Variants in MSH3 observed in about 807,000 individuals in gnomAD.
MSH3 encodes mutS homolog 3, also known as DNA mismatch repair protein Msh3.
A neutral mutation model predicts 123.3 loss-of-function variants in MSH3; 106 were observed. The observed-to-expected ratio is 0.86, with a 90% CI of 0.73 to 1.01. MSH3 has a LOEUF of 1.01. Among genes scored for constraint, MSH3 ranks in the 50% least tolerant of loss-of-function variants. The probability of loss-of-function intolerance (pLI) is 0.00; values close to 1 mark genes in which losing one functional copy is unlikely to be tolerated. For missense variants in MSH3, 1,459 were observed against 1,347.6 expected (o/e 1.08, Z -1.29); for synonymous variants, 515 against 481.4 (o/e 1.07, Z -0.91).
chr5:80,736,424 G>A (rs571652992), intron 10 of MSH3, among the ~76,000 whole-genome samples: 2 of 152,138 alleles, frequency 1.3e-5, no homozygotes, highest in Non-Finnish European at 2.9e-5. Flanking sequence ...ACATAATAGC[G>A]AATAAATGTA....
intron 20 of MSH3, among the ~76,000 whole-genome samples, chr5:80,825,296 G>A (rs1745274639): frequency 6.6e-6 from 1 of 152,086 alleles, no homozygotes; most frequent in African/African-American, 2.4e-5. Flanking sequence ...ACTCACTGAT[G>A]TTTTTTGAAA....
At chr5:80,796,600 A>C (rs1367086992) in intron 19 of MSH3, among the ~76,000 whole-genome samples, 1 of 152,138 alleles carries the variant, frequency 6.6e-6, no homozygotes, top group African/African-American at 2.4e-5. Context: ...TCAAAGTTAA[A>C]TGACATTGTT....
intron 8 of MSH3, among the ~76,000 whole-genome samples, chr5:80,693,400 C>G (rs1170477513): frequency 3.5e-5 from 2 of 56,574 alleles, no homozygotes; most frequent in African/African-American, 1.7e-4. Context: ...GATATACATG[C>G]ACATGTATAT....
intron 21 of MSH3, among the ~76,000 whole-genome samples, chr5:80,860,443 G>GTTTTTTTTT (rs199512437): frequency 7.3e-6 from 1 of 137,248 alleles, no homozygotes; most frequent in African/African-American, 2.7e-5. Flanking sequence ...GAGGTTTGTT[G>GTTTTTTTTT]TTTTTTTTTT....
At chr5:80,839,048 C>T (rs538141396) in intron 20 of MSH3, among the ~76,000 whole-genome samples, 10 of 152,222 alleles carry the variant, frequency 6.6e-5, no homozygotes, top group African/African-American at 1.2e-4. Context: ...TTGTTTAAGA[C>T]GTGATCTGAT....
intron 8 of MSH3, among the ~76,000 whole-genome samples, chr5:80,699,812 G>A (rs1750569020): frequency 6.6e-6 from 1 of 151,996 alleles, no homozygotes; most frequent in Non-Finnish European, 1.5e-5. Context: ...TTCCTTTACA[G>A]CAAATATTAA....
At chr5:80,706,163 T>G (rs1281299950) in intron 8 of MSH3, among the ~76,000 whole-genome samples, 1 of 152,208 alleles carries the variant, frequency 6.6e-6, no homozygotes, top group African/African-American at 2.4e-5. Flanking sequence ...TGTTTTGTTT[T>G]GGAAACAGCT....
At chr5:80,752,074 C>G (rs1743849679) in intron 12 of MSH3, among the ~76,000 whole-genome samples, 1 of 151,914 alleles carries the variant, frequency 6.6e-6, no homozygotes, top group Non-Finnish European at 1.5e-5. Context: ...TGGACAGTAT[C>G]TGTCCAGGTG....
At chr5:80,779,503 A>G (rs1406333214) in intron 17 of MSH3, among the ~76,000 whole-genome samples, 1 of 151,780 alleles carries the variant, frequency 6.6e-6, no homozygotes, top group East Asian at 1.9e-4. Context: ...ATTCTACTAT[A>G]TAATCTTAAC....
In MSH3 at chr5:80,858,214, T is replaced by C. The variant is rs146024466; in HGVS notation, c.3000+3898T>C. ...CACATGCCACAACACCCAGCTAATT[T>C]CACTTTTATTTTTTATAGAGATTGG... is the stretch of plus-strand genomic sequence containing the variant. On this transcript the variant is annotated intron_variant, in intron 21 of 23. Coordinates refer to ENST00000265081, the MANE Select transcript of MSH3 (RefSeq NM_002439.5). Among the ~76,000 whole-genome samples the C allele has an allele frequency of 4.3e-3, 650 of 152,142 alleles. 5 individuals are homozygous for C. The highest frequency in any genetic ancestry group is 0.015 in the African/African-American group (603 of 41,534).
chr5:80,720,238 T>C (rs758662761), intron 8 of MSH3, among the ~76,000 whole-genome samples: 1 of 152,230 alleles, frequency 6.6e-6, no homozygotes, highest in African/African-American at 2.4e-5. Context: ...GATTACTTAC[T>C]GTGATGGTCA....
rs983789729 is a variant in MSH3 at position 80,737,858 on chromosome 5, A to G, written c.1569-3606A>G. ...TGATAATTATTCTAGATGGGAATCAATCTGATTTAAGATTGCCCAGTGGTT... is the reference window on the plus strand; with the variant it reads ...TGATAATTATTCTAGATGGGAATCAGTCTGATTTAAGATTGCCCAGTGGTT... On this transcript the variant is annotated intron_variant, in intron 10 of 23. Coordinates refer to ENST00000265081, the MANE Select transcript of MSH3 (RefSeq NM_002439.5). 5.9e-5 allele frequency among the ~76,000 whole-genome samples: 9 copies of G among 152,320 alleles called. No individual in the cohort carries two copies. The South Asian group carries it at 6.2e-4, about 11-fold the overall frequency.
At chr5:80,813,790 C>T (rs1298028494) in intron 20 of MSH3, 49 bp downstream of exon 20, 1 of 1,588,542 alleles carries the variant, frequency 6.3e-7, no homozygotes, top group Non-Finnish European at 8.6e-7. Context: ...TAAGTCAAGC[C>T]CACATTATCG....
At position 80,658,532 on chromosome 5, in the gene MSH3, T is replaced by C. The variant is rs531702628; in HGVS notation, c.358+2001T>C. On this transcript the variant is annotated intron_variant, in intron 2 of 23. Transcript: ENST00000265081. ...TAGGACCTTTGCCACTTGTTAAAAA[T>C]GGCACTAAGGAAGAAGGGGGAGGAT... 8.5e-5 allele frequency among the ~76,000 whole-genome samples: 13 copies of C among 152,310 alleles called. No homozygotes were observed. The East Asian group carries it at 1.7e-3, about 20-fold the overall frequency.
rs2001675 is a variant in MSH3 at position 80,654,905 on chromosome 5, G to T, written c.178G>T (p.Ala60Ser). The T allele has an allele frequency of 1.3e-6, 2 of 1,494,090 alleles. No homozygotes were observed. Among genetic ancestry groups the T allele is most frequent in the Non-Finnish European group, 8.9e-7 (1 of 1,126,380 alleles). 92.6% of individuals were successfully genotyped at this position (1,494,090 alleles called of 1,614,324 possible). ...GAAAAAAAAA[A>S]AAPPAPPAPA... is the part of the protein sequence containing the mutation. ...TGCAGCGGCTGCAGCGGCCGCAGCGGCCGCAGCGCCCCCAGCGCCCCCAGC... is the reference window on the plus strand; with the variant it reads ...TGCAGCGGCTGCAGCGGCCGCAGCGTCCGCAGCGCCCCCAGCGCCCCCAGC... Residue 60 changes from alanine (A) to serine (S), a missense_variant, in exon 1 of 24, where the codon GCC becomes TCC. Physicochemically the swap from Ala to Ser is moderately conservative, Grantham distance 99. Transcript: ENST00000265081.
chr5:80,810,300 T>C (rs1322220954), intron 19 of MSH3, among the ~76,000 whole-genome samples: 3 of 151,802 alleles, frequency 2.0e-5, no homozygotes, highest in Non-Finnish European at 4.4e-5. Flanking sequence ...TTTTAACAAT[T>C]GTACAAGTAG....
chr5:80,804,068 A>T (rs754504659), intron 19 of MSH3, among the ~76,000 whole-genome samples: 35 of 152,226 alleles, frequency 2.3e-4, no homozygotes, highest in Middle Eastern at 3.4e-3. Flanking sequence ...AAATTTTAGG[A>T]TTATTTTTTC....
chr5:80,780,945 C>T (rs1744399840), intron 17 of MSH3, among the ~76,000 whole-genome samples: 1 of 151,950 alleles, frequency 6.6e-6, no homozygotes. Context: ...AGTAATCAAC[C>T]CGACAAATGA....
At chr5:80,736,700 G>T (rs1240137688) in intron 10 of MSH3, among the ~76,000 whole-genome samples, 1 of 152,158 alleles carries the variant, frequency 6.6e-6, no homozygotes, top group African/African-American at 2.4e-5. Flanking sequence ...GGGAGATGGT[G>T]CCTATGGGAC....
Sources: gnomAD v4.1 joint callset for allele counts (sites outside exome capture counted in the v4.1 genomes callset) on GRCh38, gnomAD v4.1.1 for gene constraint, MANE v1.5 for transcripts, NCBI Gene and HGNC (gene_info 2026-07-23, HGNC 2026-07-21) for gene names.